PCSK2: variants seen among roughly 807,000 people sequenced by gnomAD.
PCSK2 encodes neuroendocrine convertase 2.
Under a neutral mutation model 69.7 loss-of-function variants are expected in PCSK2, and 14 were observed. The observed-to-expected ratio is 0.20, with a 90% CI of 0.13 to 0.31. The LOEUF (loss-of-function observed/expected upper bound fraction) is 0.31, where lower values mean the gene tolerates loss of function less well. Ranked by LOEUF, PCSK2 falls within the 10% of genes least tolerant of loss-of-function variation. The pLI is 1.00. For synonymous variants in PCSK2, 307 were observed against 320.7 expected (o/e 0.96, Z 0.46); for missense variants, 544 against 842.5 (o/e 0.65, Z 4.39).
chr20:17,260,398 A>G, intron 2 of PCSK2, 54 bp downstream of exon 2: 2 of 1,248,940 alleles, frequency 1.6e-6, no homozygotes, highest in South Asian at 1.2e-5. Flanking sequence ...GGCTGAGCCC[A>G]CCAAGGGGGT....
rs1441737223 is a variant in PCSK2 at position 17,453,885 on chromosome 20, C to T, written c.1029C>T (p.Tyr343=). The T allele has an allele frequency of 2.5e-6, 4 of 1,614,248 alleles. No homozygotes were observed. In the South Asian group the frequency reaches 3.3e-5, roughly 13 times the overall value. The part of the protein sequence containing the change: ...SAINDGRTAL[Y]DESCSSTLAS... The stretch of plus-strand genomic sequence containing the variant: ...TCAACGACGGCAGGACTGCCCTGTA[C>T]GACGAGAGCTGCTCTTCCACCTTGG... The change falls in exon 9 of 12, where the codon TAC becomes TAT. Residue 343 remains tyrosine (Y), a synonymous_variant. Transcript: ENST00000262545. The surrounding 1 kb of genome is among the most constrained non-coding windows in gnomAD (Gnocchi z 4.0).
chr20:17,447,560 C>T (rs1016036787), intron 8 of PCSK2, among the ~76,000 whole-genome samples: 2 of 152,116 alleles, frequency 1.3e-5, no homozygotes, highest in African/African-American at 2.4e-5. Flanking sequence ...TGTTAACAAA[C>T]TTTATCAAGA....
intron 5 of PCSK2, among the ~76,000 whole-genome samples, chr20:17,398,277 T>C (rs1236052881): frequency 6.6e-6 from 1 of 152,076 alleles, no homozygotes; most frequent in Non-Finnish European, 1.5e-5. Flanking sequence ...GCAATCCCAA[T>C]ACTTTAGGAG....
At chr20:17,384,405 CAGCGA>C (rs2031174430) in intron 5 of PCSK2, among the ~76,000 whole-genome samples, 1 of 136,332 alleles carries the variant, frequency 7.3e-6, no homozygotes, top group Non-Finnish European at 1.5e-5. Context: ...CTGACCAACA[CAGCGA>C]AGCTCCATAT....
chr20:17,353,343 T>C (rs1482234491), intron 2 of PCSK2, among the ~76,000 whole-genome samples: 1 of 151,832 alleles, frequency 6.6e-6, no homozygotes, highest in Non-Finnish European at 1.5e-5. Flanking sequence ...CACACGCCTA[T>C]AGTCCCAGCT....
chr20:17,234,566 A>T (rs190998296), intron 1 of PCSK2, among the ~76,000 whole-genome samples: 1 of 152,358 alleles, frequency 6.6e-6, no homozygotes, highest in South Asian at 2.1e-4. Context: ...CTTCGATATT[A>T]TCAGTAGTAG....
At chr20:17,348,967 T>C (rs1384029760) in intron 2 of PCSK2, among the ~76,000 whole-genome samples, 6 of 152,152 alleles carry the variant, frequency 3.9e-5, no homozygotes, top group Non-Finnish European at 5.9e-5. Flanking sequence ...TGGCTAACCA[T>C]AGGACCGTTA....
At chr20:17,364,125 C>T (rs1396350104) in intron 4 of PCSK2, among the ~76,000 whole-genome samples, 1 of 149,416 alleles carries the variant, frequency 6.7e-6, no homozygotes, top group East Asian at 1.9e-4. Flanking sequence ...TACCCTAAAA[C>T]TTAAAGTATA....
chr20:17,426,120 G>T (rs2032242888), intron 6 of PCSK2, among the ~76,000 whole-genome samples: 1 of 152,156 alleles, frequency 6.6e-6, no homozygotes, highest in Non-Finnish European at 1.5e-5. Flanking sequence ...AATTGTAATT[G>T]CCATAATCCC....
intron 2 of PCSK2, among the ~76,000 whole-genome samples, chr20:17,350,669 C>T (rs2029953560): frequency 6.6e-6 from 1 of 152,214 alleles, no homozygotes; most frequent in South Asian, 2.1e-4. Flanking sequence ...CCTGATGACT[C>T]TGCCATGTTT....
At chr20:17,228,858 T>C (rs903025329) in intron 1 of PCSK2, among the ~76,000 whole-genome samples, 1 of 152,102 alleles carries the variant, frequency 6.6e-6, no homozygotes, top group African/African-American at 2.4e-5. Flanking sequence ...GGTCCGCCGG[T>C]GGCGCGCGGG....
At chr20:17,423,753 G>A (rs958559697) in intron 6 of PCSK2, among the ~76,000 whole-genome samples, 1 of 152,110 alleles carries the variant, frequency 6.6e-6, no homozygotes, top group Admixed American at 6.6e-5. Flanking sequence ...GTAAAGAACA[G>A]CTACAAATCA....
At chr20:17,435,539 G>T (rs887452135) in intron 7 of PCSK2, among the ~76,000 whole-genome samples, 2 of 152,108 alleles carry the variant, frequency 1.3e-5, no homozygotes, top group African/African-American at 4.8e-5. Flanking sequence ...CTTTTAATTC[G>T]ATTGACGTGC....
chr20:17,287,715 G>A (rs62202209), intron 2 of PCSK2, among the ~76,000 whole-genome samples: 1 of 152,190 alleles, frequency 6.6e-6, no homozygotes, highest in Admixed American at 6.5e-5. Flanking sequence ...TTTCTCAGGA[G>A]AGCACCAATC....
intron 2 of PCSK2, among the ~76,000 whole-genome samples, chr20:17,276,585 A>G (rs1988088697): frequency 6.6e-6 from 1 of 152,088 alleles, no homozygotes; most frequent in African/African-American, 2.4e-5. Flanking sequence ...AGTACTATTT[A>G]CAGCTGAGCC....
intron 7 of PCSK2, among the ~76,000 whole-genome samples, chr20:17,433,814 C>CTCTCTCTCTCT (rs1555795288): frequency 0.023 from 1,647 of 70,838 alleles, 319 homozygotes; most frequent in South Asian, 0.058. Context: ...TCTCTCTCTC[C>CTCTCTCTCTCT]CCCCACTTCC....
At chr20:17,472,810 G>A (rs973525903) in intron 11 of PCSK2, among the ~76,000 whole-genome samples, 4 of 152,080 alleles carry the variant, frequency 2.6e-5, no homozygotes, top group Non-Finnish European at 4.4e-5. Flanking sequence ...CAGGTGATCC[G>A]CCTGCCTTGG....
chr20:17,346,523 T>C (rs1247010906), intron 2 of PCSK2, among the ~76,000 whole-genome samples: 1 of 152,222 alleles, frequency 6.6e-6, no homozygotes, highest in Non-Finnish European at 1.5e-5. Flanking sequence ...GGCAGGCTCT[T>C]TGGGGTGCTA....
At chr20:17,236,023 A>G (rs1039647296) in intron 1 of PCSK2, among the ~76,000 whole-genome samples, 1 of 152,154 alleles carries the variant, frequency 6.6e-6, no homozygotes, top group African/African-American at 2.4e-5. Flanking sequence ...AAAAAAATAC[A>G]AGAAGGTCTT....
Sources: allele counts gnomAD v4.1 joint callset (sites outside exome capture counted in the v4.1 genomes callset), GRCh38; gene constraint gnomAD v4.1.1; non-coding constraint Gnocchi (gnomAD v3.1); transcripts MANE v1.5; gene names NCBI Gene and HGNC (gene_info 2026-07-23, HGNC 2026-07-21).